The following AKR1C3 variants were observed in gnomAD, a reference collection of about 807,000 sequenced individuals.
AKR1C3 encodes the protein 3-alpha hydroxysteroid dehydrogenase, type II.
In AKR1C3, 48 loss-of-function variants were observed where a neutral mutation model predicts 43.6. That is an observed-to-expected ratio of 1.10 (90% confidence interval 0.87 to 1.40). The LOEUF is 1.40. AKR1C3 is among the 40% of genes most tolerant of loss of function. The pLI is 0.00. For synonymous variants in AKR1C3, 162 were observed against 139.6 expected (o/e 1.16, Z -1.13); for missense variants, 482 against 391.2 (o/e 1.23, Z -1.96).
intron 1 of AKR1C3, among the ~76,000 whole-genome samples, chr10:5,061,864 GAC>G (rs1328008784): frequency 6.6e-6 from 1 of 152,126 alleles, no homozygotes; most frequent in Non-Finnish European, 1.5e-5. Context: ...AAGTATGAAA[GAC>G]AAAATGTCTT....
At chr10:5,079,628 T>G (rs1220365927) in intron 1 of AKR1C3, among the ~76,000 whole-genome samples, 1 of 152,024 alleles carries the variant, frequency 6.6e-6, no homozygotes, top group Non-Finnish European at 1.5e-5. Flanking sequence ...GAGGGCAGCT[T>G]GGGGAGCCCC....
intron 1 of AKR1C3, among the ~76,000 whole-genome samples, chr10:5,052,863 T>C (rs1276491936): frequency 5.8e-5 from 8 of 137,428 alleles, no homozygotes; most frequent in African/African-American, 2.1e-4. Context: ...TTTACAAACC[T>C]TGAGCTAGAT....
At chr10:5,102,683 T>C in intron 7 of AKR1C3, 33 bp downstream of exon 7, 1 of 1,449,300 alleles carries the variant, frequency 6.9e-7, no homozygotes, top group East Asian at 2.5e-5. Context: ...TCAGGTCTCC[T>C]GCACAGTGTC....
chr10:5,089,563 T>A (rs781860823), upstream of AKR1C3, among the ~76,000 whole-genome samples: 3 of 152,146 alleles, frequency 2.0e-5, no homozygotes, highest in Non-Finnish European at 2.9e-5. Flanking sequence ...ATTTTAAAAT[T>A]CCTTCAGTGA....
Position 5,104,392 on chromosome 10 carries a change from A to AG in AKR1C3, c.847-1203_847-1202insG, listed in dbSNP as rs1564372348. ...ATTTGCTCACATATCTTGATTTTTTACTCTACCATAAATGAAACATTCATT... is the reference window on the plus strand; with the variant it reads ...ATTTGCTCACATATCTTGATTTTTTAGCTCTACCATAAATGAAACATTCATT... On this transcript the variant is annotated intron_variant, in intron 7 of 8. Coordinates refer to ENST00000380554, the MANE Select transcript of AKR1C3 (RefSeq NM_003739.6). 3.9e-5 allele frequency among the ~76,000 whole-genome samples: 6 copies of AG among 152,106 alleles called. No individual in the cohort carries two copies. In the South Asian group the frequency reaches 1.2e-3, roughly 32 times the overall value.
intron 1 of AKR1C3, among the ~76,000 whole-genome samples, chr10:5,078,814 G>A (rs1838772154): frequency 6.6e-6 from 1 of 152,180 alleles, no homozygotes; most frequent in Admixed American, 6.5e-5. Context: ...TTGAAGCAAG[G>A]GACTATTTGC....
At chr10:5,105,743 A>G (rs1210551957) in intron 8 of AKR1C3, 66 bp downstream of exon 8, 2 of 1,279,410 alleles carry the variant, frequency 1.6e-6, no homozygotes, top group East Asian at 2.4e-5. Context: ...ATGGGTGTTG[A>G]GAGTGACCTC....
chr10:5,104,401 T>C (rs1469018895), intron 7 of AKR1C3, among the ~76,000 whole-genome samples: 18 of 140,636 alleles, frequency 1.3e-4, no homozygotes, highest in Non-Finnish European at 2.2e-4. Context: ...TACTCTACCA[T>C]AAATGAAACA....
chr10:5,090,421 T>A (rs1488763879), upstream of AKR1C3, among the ~76,000 whole-genome samples: 1 of 152,102 alleles, frequency 6.6e-6, no homozygotes, highest in East Asian at 1.9e-4. Flanking sequence ...TGACTCTCAG[T>A]TCAGATGCAC....
chr10:5,105,539 C>T (rs1839478251), intron 7 of AKR1C3, 56 bp from the exon 8 acceptor site: 7 of 1,315,774 alleles, frequency 5.3e-6, no homozygotes, highest in Admixed American at 1.9e-5. Flanking sequence ...GTCTAATATA[C>T]TTGGGGATTC....
intron 2 of AKR1C3, 111 bp from the exon 3 acceptor site, chr10:5,097,323 T>C (rs1347625734): frequency 3.1e-6 from 4 of 1,281,326 alleles, no homozygotes; most frequent in Non-Finnish European, 4.4e-6. Flanking sequence ...TGTTTGCCAG[T>C]GGTCATAAAT....
chr10:5,084,489 A>G (rs1398459727), intron 1 of AKR1C3, among the ~76,000 whole-genome samples: 3 of 151,794 alleles, frequency 2.0e-5, no homozygotes, highest in East Asian at 3.9e-4. Flanking sequence ...GCCTTGTAGT[A>G]TAGTTTGAAG....
At chr10:5,061,122 G>C (rs1838374924) in intron 1 of AKR1C3, among the ~76,000 whole-genome samples, 1 of 152,222 alleles carries the variant, frequency 6.6e-6, no homozygotes, top group Non-Finnish European at 1.5e-5. Context: ...GGCTCCTCAA[G>C]TGCAGCCAGT....
In AKR1C3 at chr10:5,098,810, G is replaced by C. The variant is rs1554785536; in HGVS notation, c.378G>C (p.Glu126Asp). 1 of 1,613,526 alleles carries C rather than the reference G, an allele frequency of 6.2e-7. No individual in the cohort carries two copies. The highest frequency in any genetic ancestry group is 1.1e-5 in the South Asian group (1 of 90,906). Reference protein sequence around the residue: ...IHSPMSLKPGEELSPTDENGK... With the variant: ...IHSPMSLKPGDELSPTDENGK... ...GACTGCTTCTATTTCAGCCAGGTGA[G>C]GAACTTTCACCAACAGATGAAAATG... Residue 126 changes from glutamate to aspartate, a missense_variant, in exon 4 of 9, where the codon GAG becomes GAC. By Grantham distance (45) the Glu-to-Asp change is conservative. Transcript: ENST00000380554.
chr10:5,072,014 T>C (rs1838619910), intron 1 of AKR1C3, among the ~76,000 whole-genome samples: 1 of 152,256 alleles, frequency 6.6e-6, no homozygotes, highest in African/African-American at 2.4e-5. Context: ...TGTTAATCAG[T>C]ACCCAGCTTT....
At chr10:5,084,269 G>A (rs553669169) in intron 1 of AKR1C3, among the ~76,000 whole-genome samples, 3 of 151,614 alleles carry the variant, frequency 2.0e-5, no homozygotes, top group African/African-American at 7.3e-5. Flanking sequence ...TGTAAGGAAT[G>A]GATCCAGTTT....
intron 1 of AKR1C3, among the ~76,000 whole-genome samples, chr10:5,057,396 G>A (rs1425785525): frequency 6.6e-6 from 1 of 152,124 alleles, no homozygotes; most frequent in Admixed American, 6.5e-5. Context: ...GAAGTTGCCA[G>A]GTTTAATAAT....
chr10:5,097,457 A>G lies in AKR1C3; in HGVS notation c.276A>G (p.Pro92=), dbSNP rs782661431. 1 of 1,613,816 alleles carries G rather than the reference A, an allele frequency of 6.2e-7. No homozygotes were observed. The highest frequency in any genetic ancestry group is 1.1e-5 in the South Asian group (1 of 91,052). Residue 92 remains proline, a synonymous_variant, in exon 3 of 9, where the codon CCA becomes CCG. Coordinates refer to ENST00000380554, the MANE Select transcript of AKR1C3 (RefSeq NM_003739.6). The part of the protein sequence containing the change: ...TSKLWSTFHR[P]ELVRPALENS... ...AGCTTTGGTCCACTTTTCATCGACC[A>G]GAGTTGGTCCGACCAGCCTTGGAAA...
At chr10:5,072,250 G>C (rs1937907) in intron 1 of AKR1C3, among the ~76,000 whole-genome samples, 5 of 152,058 alleles carry the variant, frequency 3.3e-5, no homozygotes, top group Non-Finnish European at 5.9e-5. Flanking sequence ...ACTAAAATAC[G>C]AGGTAATGAT....
Sources: gnomAD v4.1 joint callset for allele counts (sites outside exome capture counted in the v4.1 genomes callset) on GRCh38, gnomAD v4.1.1 for gene constraint, MANE v1.5 for transcripts, NCBI Gene and HGNC (gene_info 2026-07-23, HGNC 2026-07-21) for gene names.